MEGF6: variants seen among roughly 807,000 people sequenced by gnomAD.
MEGF6 encodes the protein multiple epidermal growth factor-like domains protein 6.
A neutral mutation model predicts 207.1 loss-of-function variants in MEGF6; 184 were observed. That is an observed-to-expected ratio of 0.89 (90% CI 0.79 to 1.00). The LOEUF (loss-of-function observed/expected upper bound fraction) is 1.00. Ranked by LOEUF, MEGF6 falls within the 50% of genes least tolerant of loss-of-function variation. The pLI is 0.00. For missense variants in MEGF6, 2,282 were observed against 2,202.9 expected, an observed-to-expected ratio of 1.04 and a Z score of -0.72; for synonymous variants, 1,038 against 910.0, an observed-to-expected ratio of 1.14 and a Z score of -2.53.
At chr1:3,614,444 G>A (rs1450019593), upstream of MEGF6, among the ~76,000 whole-genome samples, 1 of 152,224 alleles carries the variant, frequency 6.6e-6, no homozygotes, top group Non-Finnish European at 1.5e-5. Context: ...ACTCATGGTA[G>A]ACAAGGTTTC....
At position 3,544,729 on chromosome 1, in the gene MEGF6, C is replaced by T. The variant is rs997549242; in HGVS notation, c.482-20483G>A. Among the ~76,000 whole-genome samples the T allele has an allele frequency of 7.2e-5, 11 of 152,182 alleles. No homozygotes were observed. In the South Asian group the frequency reaches 1.2e-3, roughly 17 times the overall value. ...GACCACACCATGCCCCACCAAGGCC[C>T]GGCACCAGCCCTGGCCTGGTAGACC... is the stretch of plus-strand genomic sequence containing the variant. On this transcript the variant is annotated intron_variant, in intron 4 of 36. Coordinates refer to ENST00000356575, the MANE Select transcript of MEGF6 (RefSeq NM_001409.4).
At position 3,501,862 on chromosome 1, in the gene MEGF6, G is replaced by C; in HGVS notation, c.2248C>G (p.Pro750Ala). 6.2e-7 allele frequency: 1 copy of C among 1,608,492 alleles called. No individual in the cohort carries two copies. The highest frequency in any genetic ancestry group is 8.5e-7 in the Non-Finnish European group (1 of 1,178,532). Residue 750 changes from proline (P) to alanine (A), a missense_variant, in exon 18 of 37, where the codon CCC (proline) becomes GCC (alanine). By Grantham distance (27) the Pro-to-Ala change is conservative. Coordinates refer to ENST00000356575, the MANE Select transcript of MEGF6 (RefSeq NM_001409.4). ...CACTGCCCCGTGACCCCGTGGCAGG[G>C]GGCCCCCCCACAGGAGCAGGAGCTC... The part of the protein sequence containing the change: ...CSSSCSCGGA[P>A]CHGVTGQCRC...
Position 3,498,423 on chromosome 1 carries a change from G to A in MEGF6, c.3300C>T (p.His1100=). ...CGGCTGGGCAGAGGCAGCGGCCCGT[G>A]TGCGGGTCACACAGGCCCCCGTTGA... ...GCLNGGLCDP[H]TGRCLCPAGW... Residue 1100 remains histidine (H), a synonymous_variant, in exon 26 of 37, where the codon CAC becomes CAT. Coordinates refer to ENST00000356575, the MANE Select transcript of MEGF6 (RefSeq NM_001409.4). The A allele has an allele frequency of 6.3e-7, 1 of 1,588,914 alleles. No homozygotes were observed. Among genetic ancestry groups the A allele is most frequent in the Non-Finnish European group, 8.5e-7 (1 of 1,170,948 alleles).
At chr1:3,558,087 G>C (rs192543955) in intron 4 of MEGF6, among the ~76,000 whole-genome samples, 1 of 152,178 alleles carries the variant, frequency 6.6e-6, no homozygotes, top group Non-Finnish European at 1.5e-5. Flanking sequence ...GATGTGCTAA[G>C]TTCAGAGTCT....
At chr1:3,502,446 C>T (rs1432734462) in intron 17 of MEGF6, among the ~76,000 whole-genome samples, 2 of 152,172 alleles carry the variant, frequency 1.3e-5, no homozygotes, top group African/African-American at 4.8e-5. Context: ...AGCTGGGAGC[C>T]CCTCCAGGGA....
chr1:3,499,581 C>G lies in MEGF6; in HGVS notation c.2965+7G>C. On this transcript the variant is annotated splice_region_variant and intron_variant, in intron 23 of 36. Transcript: ENST00000356575. ...AGCACCCCGGGCTGAGCAGGGACCT[C>G]ACGCACTCTCGGCACAGCGGGGGCC... 1.3e-6 allele frequency: 2 copies of G among 1,573,336 alleles called. No homozygotes were observed. The highest frequency in any genetic ancestry group is 1.7e-6 in the Non-Finnish European group (2 of 1,161,530).
Position 3,515,271 on chromosome 1 carries a change from G to A in MEGF6, c.730+131C>T, listed in dbSNP as rs1024955684. 8.9e-6 allele frequency: 10 copies of A among 1,119,590 alleles called. No individual in the cohort carries two copies. The Admixed American group carries it at 1.2e-4, about 13-fold the overall frequency. 69.4% of individuals were successfully genotyped at this position (1,119,590 alleles called of 1,614,324 possible). ...CATCCTGAGCTTCCTGGCCCCAAAT[G>A]TGCCATCCCTACCAGGCCTCTCAGC... On this transcript the variant is annotated intron_variant, in intron 6 of 36. Transcript: ENST00000356575.
chr1:3,510,239 G>A (rs1641287924), intron 10 of MEGF6, among the ~76,000 whole-genome samples: 1 of 152,136 alleles, frequency 6.6e-6, no homozygotes, highest in South Asian at 2.1e-4. Context: ...GGCCGGCCAG[G>A]CAGCAGCCAG....
At chr1:3,559,079 A>T (rs1240368901) in intron 4 of MEGF6, among the ~76,000 whole-genome samples, 4 of 152,182 alleles carry the variant, frequency 2.6e-5, no homozygotes, top group African/African-American at 7.2e-5. Context: ...ATCTTAGAAG[A>T]TTCTTCTCCA....
chr1:3,541,152 C>T (rs552590770), intron 4 of MEGF6, among the ~76,000 whole-genome samples: 61 of 152,332 alleles, frequency 4.0e-4, no homozygotes, highest in Middle Eastern at 3.4e-3. Context: ...AATGCTCCTG[C>T]GCCCTCTGGG....
intron 4 of MEGF6, among the ~76,000 whole-genome samples, chr1:3,572,997 G>T (rs1018558489): frequency 6.7e-6 from 1 of 149,728 alleles, no homozygotes; most frequent in South Asian, 2.1e-4. Context: ...GGGTGTGCTG[G>T]GTCTTTCCTG....
intron 4 of MEGF6, among the ~76,000 whole-genome samples, chr1:3,538,730 G>A (rs924014578): frequency 2.7e-5 from 4 of 145,910 alleles, no homozygotes; most frequent in Non-Finnish European, 6.2e-5. Flanking sequence ...GTGTGTGTGT[G>A]TGTGTGTGTG....
intron 35 of MEGF6, among the ~76,000 whole-genome samples, chr1:3,491,377 C>A (rs1477701568): frequency 6.6e-6 from 1 of 152,118 alleles, no homozygotes; most frequent in Non-Finnish European, 1.5e-5. Flanking sequence ...GCCGGCGGTG[C>A]AGTACCACAG....
rs1015328051 is a variant in MEGF6, at chr1:3,573,337, C to T, written c.481+6488G>A. 6.6e-6 allele frequency among the ~76,000 whole-genome samples: 1 copy of T among 152,210 alleles called. No individual in the cohort carries two copies. Among genetic ancestry groups the T allele is most frequent in the African/African-American group, 2.4e-5 (1 of 41,452 alleles). ...CATTTCTCACACCAGACACAAAAAG[C>T]CTCCCCCAGGGTGGCCTCCTGGCTG... On this transcript the variant is annotated intron_variant, in intron 4 of 36. Coordinates refer to ENST00000356575, the MANE Select transcript of MEGF6 (RefSeq NM_001409.4). The surrounding 1 kb of genome is among the most constrained non-coding windows in gnomAD (Gnocchi z 5.1).
rs2101716608 is a variant in MEGF6 at position 3,573,965 on chromosome 1, C to G, written c.481+5860G>C. ...AGGACACCACCCAGTCCTAGCCACCCAACCTTCTCCAAGGCTCTGCTTCCT... is the reference window on the plus strand; with the variant it reads ...AGGACACCACCCAGTCCTAGCCACCGAACCTTCTCCAAGGCTCTGCTTCCT... On this transcript the variant is annotated intron_variant, in intron 4 of 36. Transcript: ENST00000356575. This position sits in a 1 kb window ranked among gnomAD's most constrained non-coding sequence, Gnocchi z 5.1. Among the ~76,000 whole-genome samples the G allele has an allele frequency of 6.6e-6, 1 of 152,306 alleles. No homozygotes were observed. The highest frequency in any genetic ancestry group is 2.1e-4 in the South Asian group (1 of 4,818).
rs542498064 is a variant in MEGF6 at position 3,490,588 on chromosome 1, C to T, written c.4566G>A (p.Ala1522=). The part of the protein sequence containing the change: ...PENPSLAQGS[A]GTLPASSRPT... Reference sequence around the variant, plus strand: ...GTCTGCTGGAGGCGGGCAGTGTGCCCGCTGGGGAAAAGGAGAAAAGAGGGC... The same window carrying T: ...GTCTGCTGGAGGCGGGCAGTGTGCCTGCTGGGGAAAAGGAGAAAAGAGGGC... The change falls in exon 37 of 37, where the codon GCG becomes GCA. Residue 1522 remains alanine (A), a splice_region_variant and synonymous_variant. Transcript: ENST00000356575. 163 of 1,613,080 alleles carry T rather than the reference C, an allele frequency of 1.0e-4. 2 individuals carry two copies. In the South Asian group the frequency reaches 1.3e-3, roughly 13 times the overall value.
chr1:3,512,371 C>T (rs550325963), intron 7 of MEGF6, among the ~76,000 whole-genome samples: 2 of 152,378 alleles, frequency 1.3e-5, no homozygotes, highest in South Asian at 4.1e-4. Context: ...GGTGCCAGTG[C>T]CCAGGCAGCA....
intron 35 of MEGF6, 66 bp from the exon 36 acceptor site, chr1:3,491,025 C>T: frequency 6.8e-7 from 1 of 1,460,354 alleles, no homozygotes. Flanking sequence ...GTAATGGCAG[C>T]AAGGCGTGAC....
In MEGF6 at chr1:3,497,334, G is replaced by C. The variant is rs547027360; in HGVS notation, c.3380C>G (p.Ala1127Gly). The change falls in exon 27 of 37, where the codon GCC becomes GGC. Residue 1127 changes from alanine (A) to glycine (G), a missense_variant. Physicochemically the swap from Ala to Gly is moderately conservative, Grantham distance 60 (BLOSUM62 0). Coordinates refer to ENST00000356575, the MANE Select transcript of MEGF6 (RefSeq NM_001409.4). ...CGGGCAGCTGCAGCGCTGGGCACAGGCCTCTCCAAACCAGCCCCGCAGGCA... is the reference window on the plus strand; with the variant it reads ...CGGGCAGCTGCAGCGCTGGGCACAGCCCTCTCCAAACCAGCCCCGCAGGCA... ...SPCLRGWFGE[A>G]CAQRCSCPPG... 3 of 1,553,260 alleles carry C rather than the reference G, an allele frequency of 1.9e-6. No homozygotes were observed. Among genetic ancestry groups the C allele is most frequent in the Middle Eastern group, 1.8e-4 (1 of 5,572 alleles).
Sources: allele counts gnomAD v4.1 joint callset (sites outside exome capture counted in the v4.1 genomes callset), GRCh38; gene constraint gnomAD v4.1.1; non-coding constraint Gnocchi (gnomAD v3.1); transcripts MANE v1.5; gene names NCBI Gene and HGNC (gene_info 2026-07-23, HGNC 2026-07-21).